NF1: variants seen among roughly 807,000 people sequenced by gnomAD.
NF1 encodes the protein neurofibromin 1.
In NF1, 122 loss-of-function variants were observed where a neutral mutation model predicts 325.7. That is an observed-to-expected ratio of 0.37 (90% CI 0.32 to 0.44). The LOEUF is 0.44. NF1 is among the 20% of genes least tolerant of loss of function. NF1 has a pLI of 1.00. For missense variants in NF1, 2,140 were observed against 3,415.4 expected (o/e 0.63, Z 9.31); for synonymous variants, 1,091 against 1,186.0 (o/e 0.92, Z 1.65).
intron 1 of NF1, among the ~76,000 whole-genome samples, chr17:31,140,139 A>G (rs1000137106): frequency 1.1e-4 from 17 of 152,240 alleles, no homozygotes; most frequent in African/African-American, 4.1e-4. Context: ...TTTACATTCT[A>G]GCACAACAGT....
At chr17:31,248,401 T>A (rs949631742) in intron 29 of NF1, among the ~76,000 whole-genome samples, 6 of 152,218 alleles carry the variant, frequency 3.9e-5, no homozygotes, top group African/African-American at 1.4e-4. Flanking sequence ...TTCTAACATA[T>A]ACAGACTTAA....
At chr17:31,251,202 T>A (rs1217532666) in intron 30 of NF1, 3 of 203,710 alleles carry the variant, frequency 1.5e-5, no homozygotes, top group Non-Finnish European at 3.0e-5. Flanking sequence ...TTCTTGCCCC[T>A]TTGCCTTTGG....
At chr17:31,215,219 C>A (rs142256124) in intron 13 of NF1, among the ~76,000 whole-genome samples, 3 of 152,228 alleles carry the variant, frequency 2.0e-5, no homozygotes, top group African/African-American at 7.2e-5. Context: ...GACCTCAAGC[C>A]ATCCTCCAGC....
At chr17:31,215,885 C>T (rs2066811973) in intron 13 of NF1, among the ~76,000 whole-genome samples, 1 of 152,090 alleles carries the variant, frequency 6.6e-6, no homozygotes, top group Non-Finnish European at 1.5e-5. Flanking sequence ...TTCTATGAAA[C>T]TTCGTGAATT....
At chr17:31,109,939 A>G (rs139586104) in intron 1 of NF1, among the ~76,000 whole-genome samples, 19 of 152,188 alleles carry the variant, frequency 1.2e-4, no homozygotes, top group African/African-American at 3.9e-4. Flanking sequence ...AAATGTCCTT[A>G]TAAATACTGA....
chr17:31,189,410 G>A (rs370645635), intron 8 of NF1, among the ~76,000 whole-genome samples: 10 of 152,056 alleles, frequency 6.6e-5, no homozygotes, highest in South Asian at 2.1e-4. Flanking sequence ...TAAAATTTAC[G>A]TTTTTGAAGT....
intron 36 of NF1, among the ~76,000 whole-genome samples, chr17:31,269,787 A>T (rs1162176978): frequency 2.6e-5 from 4 of 152,150 alleles, no homozygotes; most frequent in African/African-American, 9.7e-5. Context: ...TTGTGGTTTC[A>T]GCAAAAGTGG....
Position 31,302,069 on chromosome 17 carries a change from C to A in NF1, c.4836-23751C>A, listed in dbSNP as rs530674084. On this transcript the variant is annotated intron_variant, in intron 36 of 57. Transcript: ENST00000358273. Reference sequence around the variant, plus strand: ...TGTTTGGCTGCTCAGCTTCCACTGACCTCACTGGGGAAAATTACATGCAGT... The same window carrying A: ...TGTTTGGCTGCTCAGCTTCCACTGAACTCACTGGGGAAAATTACATGCAGT... 2.0e-5 allele frequency among the ~76,000 whole-genome samples: 3 copies of A among 152,250 alleles called. No homozygotes were observed. In the East Asian group the frequency reaches 5.8e-4, roughly 29 times the overall value.
chr17:31,231,031 A>G (rs2067105301), intron 24 of NF1, 106 bp downstream of exon 24: 1 of 874,824 alleles, frequency 1.1e-6, no homozygotes, highest in South Asian at 1.5e-5. Flanking sequence ...AACTTTTGAG[A>G]TGTCAAACTT....
intron 36 of NF1, chr17:31,318,604 A>G: frequency 6.2e-7 from 1 of 1,614,074 alleles, no homozygotes; most frequent in Non-Finnish European, 8.5e-7. Context: ...AATTAAGCAA[A>G]TTAGCATAGC....
chr17:31,352,213 G>C (rs775346669), intron 50 of NF1, 44 bp from the exon 51 acceptor site: 2 of 1,581,068 alleles, frequency 1.3e-6, no homozygotes, highest in Non-Finnish European at 1.7e-6. Context: ...GGTTGTATTT[G>C]TCACCATATT....
chr17:31,206,598 C>G (rs1400475328), intron 12 of NF1, among the ~76,000 whole-genome samples: 1 of 151,970 alleles, frequency 6.6e-6, no homozygotes, highest in African/African-American at 2.4e-5. Flanking sequence ...AATTTTCTCA[C>G]AAAACACTGA....
At chr17:31,147,490 C>T (rs1212820330) in intron 1 of NF1, among the ~76,000 whole-genome samples, 4 of 152,174 alleles carry the variant, frequency 2.6e-5, no homozygotes, top group Admixed American at 2.6e-4. Flanking sequence ...AATTATAAAA[C>T]ATGCTGCTGT....
At position 31,201,184 on chromosome 17, in the gene NF1, C is replaced by T. The variant is rs368268381; in HGVS notation, c.1185+25C>T. On this transcript the variant is annotated intron_variant, in intron 10 of 57. Transcript: ENST00000358273. ...GGTGAGAGCATTGGTTTTTATCTAA[C>T]TATATTTACTGATGCTGTTATCCTT... 12 of 1,613,528 alleles carry T rather than the reference C, an allele frequency of 7.4e-6. No homozygotes were observed. In the African/African-American group the frequency reaches 1.6e-4, roughly 22 times the overall value.
chr17:31,213,623 T>A (rs1401185058), intron 12 of NF1, among the ~76,000 whole-genome samples: 1 of 152,216 alleles, frequency 6.6e-6, no homozygotes. Flanking sequence ...AGATGTTTTA[T>A]AATAATAGGT....
chr17:31,238,647 C>T (rs555037147), intron 29 of NF1, among the ~76,000 whole-genome samples: 1 of 151,686 alleles, frequency 6.6e-6, no homozygotes, highest in East Asian at 1.9e-4. Context: ...GCAGGAGAAT[C>T]GCTTGAACCC....
intron 36 of NF1, 29 bp from the exon 37 acceptor site, chr17:31,325,791 A>G (rs1164617505): frequency 1.3e-6 from 2 of 1,569,736 alleles, no homozygotes; most frequent in Middle Eastern, 1.7e-4. Context: ...ACTGCTAATA[A>G]TCTTTGTCTT....
chr17:31,347,374 T>G (rs530276073), intron 48 of NF1, among the ~76,000 whole-genome samples: 1 of 152,124 alleles, frequency 6.6e-6, no homozygotes, highest in African/African-American at 2.4e-5. Flanking sequence ...TTTATGATTA[T>G]GAGAAAACAA....
At chr17:31,337,662 G>T (rs1276672318) in intron 43 of NF1, 80 bp downstream of exon 43, 12 of 1,449,992 alleles carry the variant, frequency 8.3e-6, no homozygotes, top group African/African-American at 7.1e-5. Context: ...AGAAATATTG[G>T]TTTATTGTGC....
Sources: allele counts gnomAD v4.1 joint callset (sites outside exome capture counted in the v4.1 genomes callset), GRCh38; gene constraint gnomAD v4.1.1; transcripts MANE v1.5; gene names NCBI Gene and HGNC (gene_info 2026-07-23, HGNC 2026-07-21).